Variants in MACROD1 observed in about 807,000 individuals in gnomAD.
MACROD1 encodes the protein ADP-ribose glycohydrolase MACROD1.
A neutral mutation model predicts 41.4 loss-of-function variants in MACROD1; 31 were observed. The ratio of observed to expected loss-of-function variants is 0.75; its 90% CI spans 0.56 to 1.01. The LOEUF is 1.01. Among genes scored for constraint, MACROD1 ranks in the 50% least tolerant of loss-of-function variants. MACROD1 has a pLI of 0.00. For synonymous variants in MACROD1, 252 were observed against 203.4 expected (o/e 1.24, Z -2.03); for missense variants, 473 against 460.0 (o/e 1.03, Z -0.26).
At position 64,166,109 on chromosome 11, in the gene MACROD1, TG is replaced by T; in HGVS notation, c.-116del. On this transcript the variant is annotated 5_prime_UTR_variant, in exon 1 of 11. Coordinates refer to ENST00000255681, the MANE Select transcript of MACROD1 (RefSeq NM_014067.4). ...TGGCGACTGCCAGCCAGCGGCGACC[TG>T]CTCGGAGCCAGCGGGAGGCGCGGCC... is the stretch of plus-strand genomic sequence containing the variant. 1 of 1,159,146 alleles carries T rather than the reference TG, an allele frequency of 8.6e-7. No individual in the cohort carries two copies. The highest frequency in any genetic ancestry group is 1.1e-6 in the Non-Finnish European group (1 of 923,072). 71.8% of individuals were successfully genotyped at this position (1,159,146 alleles called of 1,614,324 possible). A position where few individuals can be genotyped will look rare whatever the true frequency, so the allele number is the denominator to read the frequency against.
intron 3 of MACROD1, among the ~76,000 whole-genome samples, chr11:64,101,635 T>A (rs2701540): frequency 0.87 from 132,074 of 152,218 alleles, 58,128 homozygotes; most frequent in Non-Finnish European, 0.94. Context: ...TTACAATTTA[T>A]AATTGGATGA....
chr11:64,039,261 G>A (rs1943440055), intron 3 of MACROD1, among the ~76,000 whole-genome samples: 1 of 152,112 alleles, frequency 6.6e-6, no homozygotes, highest in Non-Finnish European at 1.5e-5. Flanking sequence ...TGGCGAGGGT[G>A]CTAACTGCCT....
chr11:64,090,133 CG>C lies in MACROD1; in HGVS notation c.517+61105del, dbSNP rs1590892618. The stretch of plus-strand genomic sequence containing the variant: ...GGGGAAGATATGCACCCTCTCCCCA[CG>C]GGGCTAGGGACTCATCTCTGCCTGT... On this transcript the variant is annotated intron_variant, in intron 3 of 10. Transcript: ENST00000255681. This position sits in a 1 kb window ranked among gnomAD's most constrained non-coding sequence, Gnocchi z 4.7. 6.6e-6 allele frequency among the ~76,000 whole-genome samples: 1 copy of C among 152,096 alleles called. No homozygotes were observed. The highest frequency in any genetic ancestry group is 1.9e-4 in the East Asian group (1 of 5,198).
intron 1 of MACROD1, among the ~76,000 whole-genome samples, chr11:64,159,106 G>A (rs960174120): frequency 2.0e-5 from 3 of 152,058 alleles, no homozygotes; most frequent in Non-Finnish European, 4.4e-5. Context: ...TGGATCACGA[G>A]GTCAGGAGTT....
intron 3 of MACROD1, among the ~76,000 whole-genome samples, chr11:64,124,702 CAG>C (rs984368314): frequency 9.9e-5 from 15 of 151,602 alleles, no homozygotes; most frequent in African/African-American, 3.6e-4. Flanking sequence ...TTTTTTTAGA[CAG>C]AGTTTTGCTC....
chr11:64,102,901 T>C (rs1339379462), intron 3 of MACROD1, among the ~76,000 whole-genome samples: 1 of 151,836 alleles, frequency 6.6e-6, no homozygotes, highest in Non-Finnish European at 1.5e-5. Flanking sequence ...ACCCCATCTC[T>C]ACTAAAATTA....
intron 3 of MACROD1, among the ~76,000 whole-genome samples, chr11:64,105,150 C>T (rs1944737188): frequency 6.6e-6 from 1 of 152,242 alleles, no homozygotes; most frequent in Admixed American, 6.5e-5. Context: ...GGGCTATTTG[C>T]TGTTATTTAT....
chr11:63,999,722 T>C lies in MACROD1; in HGVS notation c.706A>G (p.Ser236Gly). 1 of 1,608,168 alleles carries C rather than the reference T, an allele frequency of 6.2e-7. No individual in the cohort carries two copies. The highest frequency in any genetic ancestry group is 8.5e-7 in the Non-Finnish European group (1 of 1,179,432). ...CGGAGCTCGGCAGCCTGACTGGCGC[T>C]GGGCTCCCCGTAGGCGATGGGCCCC... is the stretch of plus-strand genomic sequence containing the variant. ...TVGPIAYGEP[S>G]ASQAAELRSC... Residue 236 changes from serine (S) to glycine (G), a missense_variant, in exon 6 of 11, where the codon AGC (serine) becomes GGC (glycine). Coordinates refer to ENST00000255681, the MANE Select transcript of MACROD1 (RefSeq NM_014067.4).
chr11:64,011,232 G>A lies in MACROD1; in HGVS notation c.547+4020C>T, dbSNP rs544221933. Among the ~76,000 whole-genome samples the A allele has an allele frequency of 1.3e-4, 19 of 148,976 alleles. No homozygotes were observed. In the South Asian group the frequency reaches 2.4e-3, roughly 18 times the overall value. ...CGTGTTGGCTGGGGTGTTGGTTGGG[G>A]TGTTGGTTGGGGTGTTTGCTGGTGT... On this transcript the variant is annotated intron_variant, in intron 4 of 10. Transcript: ENST00000255681.
intron 1 of MACROD1, among the ~76,000 whole-genome samples, chr11:64,164,749 A>C (rs1945810788): frequency 6.6e-6 from 1 of 151,156 alleles, no homozygotes; most frequent in Non-Finnish European, 1.5e-5. Flanking sequence ...GGCCACACCT[A>C]CTCCACCACG....
chr11:64,087,986 G>A (rs1445320926), intron 3 of MACROD1, among the ~76,000 whole-genome samples: 2 of 152,190 alleles, frequency 1.3e-5, no homozygotes, highest in Non-Finnish European at 2.9e-5. Flanking sequence ...GAGCTGGGAG[G>A]GCCTCGAGAG....
chr11:64,022,265 G>T (rs975932522), intron 3 of MACROD1, among the ~76,000 whole-genome samples: 1 of 152,046 alleles, frequency 6.6e-6, no homozygotes, highest in Non-Finnish European at 1.5e-5. Flanking sequence ...TGCAGTGTCC[G>T]GGTGACCCCT....
intron 4 of MACROD1, among the ~76,000 whole-genome samples, chr11:64,003,203 G>A (rs556531879): frequency 3.9e-4 from 59 of 152,136 alleles, no homozygotes; most frequent in African/African-American, 8.0e-4. Flanking sequence ...CTCCTCTACC[G>A]TTAAACTCCC....
intron 3 of MACROD1, among the ~76,000 whole-genome samples, chr11:64,086,384 C>A (rs1044045954): frequency 1.3e-5 from 2 of 152,044 alleles, no homozygotes; most frequent in Non-Finnish European, 2.9e-5. Context: ...TTGTGACTAC[C>A]CCCGAGCTCA....
At chr11:64,162,975 G>C (rs558736197) in intron 1 of MACROD1, among the ~76,000 whole-genome samples, 3 of 152,188 alleles carry the variant, frequency 2.0e-5, no homozygotes, top group African/African-American at 7.2e-5. Flanking sequence ...AAAAAAATTA[G>C]CCGGGCGTGA....
At chr11:64,131,132 T>G (rs1163963895) in intron 3 of MACROD1, among the ~76,000 whole-genome samples, 1 of 152,188 alleles carries the variant, frequency 6.6e-6, no homozygotes, top group Non-Finnish European at 1.5e-5. Context: ...TGCAGGGAGC[T>G]GCGGGTCTAA....
chr11:64,129,008 G>A (rs1041057362), intron 3 of MACROD1, among the ~76,000 whole-genome samples: 1 of 152,242 alleles, frequency 6.6e-6, no homozygotes, highest in Admixed American at 6.5e-5. Flanking sequence ...CCTTCCCCAG[G>A]AAGTCCTGCT....
chr11:64,047,904 AAAAAAAAAAAAGG>A (rs1293463667), intron 3 of MACROD1, among the ~76,000 whole-genome samples: 1 of 151,652 alleles, frequency 6.6e-6, no homozygotes, highest in Admixed American at 6.6e-5. Context: ...TCTCAAAAAA[AAAAAAAAAAAAGG>A]AAGGAAGCAG....
Position 64,054,764 on chromosome 11 carries a change from C to T in MACROD1, c.518-39483G>A, listed in dbSNP as rs369103975. Among the ~76,000 whole-genome samples, 9 of 152,266 alleles carry T rather than the reference C, an allele frequency of 5.9e-5. No homozygotes were observed. The East Asian group carries it at 1.2e-3, about 20-fold the overall frequency. ...GCCTGAACCCCCACCTGGCCAGCCCCTTCCTGCCTTGATGGGTCCTCCTGT... is the reference window on the plus strand; with the variant it reads ...GCCTGAACCCCCACCTGGCCAGCCCTTTCCTGCCTTGATGGGTCCTCCTGT... On this transcript the variant is annotated intron_variant, in intron 3 of 10. Transcript: ENST00000255681.
Sources: allele counts gnomAD v4.1 joint callset (sites outside exome capture counted in the v4.1 genomes callset), GRCh38; gene constraint gnomAD v4.1.1; non-coding constraint Gnocchi (gnomAD v3.1); transcripts MANE v1.5; gene names NCBI Gene and HGNC (gene_info 2026-07-23, HGNC 2026-07-21).